The following FLT4 variants were observed in gnomAD, a reference collection of about 807,000 sequenced individuals.
The protein encoded by FLT4 is fms related receptor tyrosine kinase 4.
In FLT4, 30 loss-of-function variants were observed where a neutral mutation model predicts 163.2. The observed-to-expected ratio is 0.18, with a 90% CI of 0.14 to 0.25. The LOEUF (loss-of-function observed/expected upper bound fraction) is 0.25. FLT4 is among the 10% of genes least tolerant of loss of function. The pLI, the probability that FLT4 is intolerant of heterozygous loss-of-function variation, is 1.00. For synonymous variants in FLT4, 884 were observed against 789.5 expected (o/e 1.12, Z -2.01); for missense variants, 1,510 against 1,863.8 (o/e 0.81, Z 3.50).
rs201575824 is a variant in FLT4, at chr5:180,618,739, A to C, written c.3001+31T>G. The C allele has an allele frequency of 7.0e-3, 10,953 of 1,575,062 alleles. 44 individuals are homozygous for C. Among genetic ancestry groups the C allele is most frequent in the Non-Finnish European group, 8.4e-3 (9,730 of 1,161,218 alleles). Reference sequence around the variant, plus strand: ...CGGGATATAACCGGGCCCGTCAGGCACTAGGAAAAGGGAAGAGGCCAGGCT... The same window carrying C: ...CGGGATATAACCGGGCCCGTCAGGCCCTAGGAAAAGGGAAGAGGCCAGGCT... On this transcript the variant is annotated intron_variant, in intron 21 of 29. Coordinates refer to ENST00000261937, the MANE Select transcript of FLT4 (RefSeq NM_182925.5).
At position 180,628,937 on chromosome 5, in the gene FLT4, C is replaced by G. The variant is rs766452541; in HGVS notation, c.1048G>C (p.Glu350Gln). 4 of 1,612,630 alleles carry G rather than the reference C, an allele frequency of 2.5e-6. No homozygotes were observed. In the East Asian group the frequency reaches 8.9e-5, roughly 36 times the overall value. ...AGCTTCACGGGCAGCTTCACCAGCT[C>G]GTCTCCTGCCGTGGCCTCCAGGATG... ...GPILEATAGD[E>Q]LVKLPVKLAA... Residue 350 changes from glutamate (E) to glutamine (Q), a missense_variant, in exon 8 of 30, where the codon GAG becomes CAG. This residue lies in a region of FLT4 where 878 missense variants were observed against 1,016.7 expected (regional missense o/e 0.86). Coordinates refer to ENST00000261937, the MANE Select transcript of FLT4 (RefSeq NM_182925.5).
chr5:180,622,553 A>C (rs1019160115), intron 12 of FLT4, among the ~76,000 whole-genome samples, 178 bp downstream of exon 12: 1 of 152,138 alleles, frequency 6.6e-6, no homozygotes, highest in African/African-American at 2.4e-5. Flanking sequence ...ATTCCATCCC[A>C]GTGCGCCAGC....
In FLT4 at chr5:180,630,405, C is replaced by CT. The variant is rs1421195886; in HGVS notation, c.401-69dup. 2.7e-5 allele frequency: 42 copies of CT among 1,550,480 alleles called. No homozygotes were observed. The Admixed American group carries it at 7.2e-4, about 26-fold the overall frequency. The stretch of plus-strand genomic sequence containing the variant: ...CAGGCTGGGGGAGGGCTCCACGGGG[C>CT]TGGGTGGTGCTGGTCCTGAACCAGC... On this transcript the variant is annotated intron_variant, in intron 3 of 29. Coordinates refer to ENST00000261937, the MANE Select transcript of FLT4 (RefSeq NM_182925.5). This position sits in a 1 kb window ranked among gnomAD's most constrained non-coding sequence, Gnocchi z 6.3.
Position 180,636,999 on chromosome 5 carries a change from C to A in FLT4, c.59-5221G>T, listed in dbSNP as rs530120459. The stretch of plus-strand genomic sequence containing the variant: ...CCTCCCCCCCATTTTCCTGGGTGCA[C>A]ACAGTTCAGGGTGCTCCTCCCCTCT... On this transcript the variant is annotated intron_variant, in intron 1 of 29. Transcript: ENST00000261937. This position sits in a 1 kb window ranked among gnomAD's most constrained non-coding sequence, Gnocchi z 4.3. Among the ~76,000 whole-genome samples the A allele has an allele frequency of 4.2e-4, 64 of 152,196 alleles. No homozygotes were observed. Among genetic ancestry groups the A allele is most frequent in the South Asian group, 8.3e-4 (4 of 4,822 alleles).
intron 13 of FLT4, 121 bp downstream of exon 13, chr5:180,621,421 G>A (rs1763135187): frequency 2.1e-6 from 3 of 1,460,672 alleles, no homozygotes; most frequent in Non-Finnish European, 2.8e-6. Context: ...GTCAGGAGGG[G>A]TAGCTCCTGC....
chr5:180,612,303 T>A, intron 26 of FLT4: 1 of 600,928 alleles, frequency 1.7e-6, no homozygotes, highest in South Asian at 1.9e-5. Context: ...GAGCAGGCAG[T>A]GGAGCTGTGC....
At chr5:180,607,577 G>C (rs1039184661) in intron 29 of FLT4, among the ~76,000 whole-genome samples, 7 of 151,312 alleles carry the variant, frequency 4.6e-5, no homozygotes, top group East Asian at 3.9e-4. Flanking sequence ...GGAGGCGGAG[G>C]TTGCAGCGAG....
rs1199846447 is a variant in FLT4 at position 180,636,834 on chromosome 5, C to G, written c.59-5056G>C. Among the ~76,000 whole-genome samples the G allele has an allele frequency of 1.3e-5, 2 of 152,068 alleles. No homozygotes were observed. Among genetic ancestry groups the G allele is most frequent in the Non-Finnish European group, 2.9e-5 (2 of 68,006 alleles). ...TCCTCCCCACCCCTTGGTGCCCTCCCGGTGCTGCCCCGTCCTGGTGCGTGG... is the reference window on the plus strand; with the variant it reads ...TCCTCCCCACCCCTTGGTGCCCTCCGGGTGCTGCCCCGTCCTGGTGCGTGG... On this transcript the variant is annotated intron_variant, in intron 1 of 29. Transcript: ENST00000261937. This position sits in a 1 kb window ranked among gnomAD's most constrained non-coding sequence, Gnocchi z 4.3.
At chr5:180,637,802 T>C (rs1764803181) in intron 1 of FLT4, among the ~76,000 whole-genome samples, 1 of 152,194 alleles carries the variant, frequency 6.6e-6, no homozygotes, top group East Asian at 1.9e-4. Context: ...AGTGCTGGGA[T>C]TACAGGTGTG....
chr5:180,616,872 G>A (rs187747507), intron 22 of FLT4, 28 bp downstream of exon 22: 82 of 1,580,838 alleles, frequency 5.2e-5, no homozygotes, highest in East Asian at 1.6e-4. Flanking sequence ...CCCTTTTCCC[G>A]TCTGAAGGGC....
intron 29 of FLT4, among the ~76,000 whole-genome samples, chr5:180,608,536 C>T (rs1761930675): frequency 6.6e-6 from 1 of 152,124 alleles, no homozygotes; most frequent in Non-Finnish European, 1.5e-5. Context: ...GGGAGAACAC[C>T]CGCTAAGCCC....
At position 180,621,170 on chromosome 5, in the gene FLT4, C is replaced by T. The variant is rs1350420777; in HGVS notation, c.2103G>A (p.Val701=). 1 of 1,612,862 alleles carries T rather than the reference C, an allele frequency of 6.2e-7. No individual in the cohort carries two copies. The highest frequency in any genetic ancestry group is 8.5e-7 in the Non-Finnish European group (1 of 1,179,998). The part of the protein sequence containing the change: ...VSDSLEMQCL[V]AGAHAPSIVW... Reference sequence around the variant, plus strand: ...CGATGCTGGGCGCGTGCGCTCCGGCCACCAAGCACTGCATCTCCAGCGAGT... The same window carrying T: ...CGATGCTGGGCGCGTGCGCTCCGGCTACCAAGCACTGCATCTCCAGCGAGT... The change falls in exon 14 of 30, where the codon GTG becomes GTA. Residue 701 remains valine (V), a synonymous_variant. Coordinates refer to ENST00000261937, the MANE Select transcript of FLT4 (RefSeq NM_182925.5).
intron 27 of FLT4, among the ~76,000 whole-genome samples, chr5:180,611,015 C>A (rs910383785): frequency 6.6e-6 from 1 of 152,186 alleles, no homozygotes. Flanking sequence ...CGAGATCGCG[C>A]CACTGCACTC....
chr5:180,603,524 C>G, intron 29 of FLT4, 134 bp from the exon 30 acceptor site: 1 of 791,124 alleles, frequency 1.3e-6, no homozygotes, highest in Non-Finnish European at 2.2e-6. Flanking sequence ...CCAGCCCAGG[C>G]AACATGGGGA....
chr5:180,615,192 C>T (rs1473877420), intron 23 of FLT4, among the ~76,000 whole-genome samples: 279 of 28,206 alleles, frequency 9.9e-3, no homozygotes, highest in South Asian at 0.063. Flanking sequence ...GAGCACTGGG[C>T]CCCGCTGGTC....
chr5:180,603,698 A>G (rs1294281534), intron 29 of FLT4, among the ~76,000 whole-genome samples: 1 of 152,068 alleles, frequency 6.6e-6, no homozygotes, highest in African/African-American at 2.4e-5. Flanking sequence ...AGGTCAGGAG[A>G]TCGAGACCAT....
intron 26 of FLT4, 192 bp downstream of exon 26, chr5:180,612,314 A>G (rs976290105): frequency 1.6e-6 from 1 of 610,862 alleles, no homozygotes. Flanking sequence ...GGAGCTGTGC[A>G]GCGGGTGTGT....
chr5:180,650,270 C>T (rs1053434643), upstream of FLT4, among the ~76,000 whole-genome samples: 1 of 151,874 alleles, frequency 6.6e-6, no homozygotes, highest in Non-Finnish European at 1.5e-5. Flanking sequence ...GTGAGCGGGA[C>T]ACCCGGGATG....
chr5:180,611,604 A>C (rs395982), intron 26 of FLT4, 125 bp from the exon 27 acceptor site: 137 of 961,462 alleles, frequency 1.4e-4, no homozygotes, highest in African/African-American at 2.0e-4. Flanking sequence ...TCGCCCCCGC[A>C]CTCAGCTCTC....
Sources: allele counts gnomAD v4.1 joint callset (sites outside exome capture counted in the v4.1 genomes callset), GRCh38; gene constraint gnomAD v4.1.1; regional missense constraint gnomAD v4.1.1; non-coding constraint Gnocchi (gnomAD v3.1); transcripts MANE v1.5; gene names NCBI Gene and HGNC (gene_info 2026-07-23, HGNC 2026-07-21).